Variants in ZRANB1 observed in about 807,000 individuals in gnomAD.
ZRANB1 encodes the protein zinc finger RANBP2-type containing 1.
In ZRANB1, 16 loss-of-function variants were observed where a neutral mutation model predicts 80.5. The ratio of observed to expected loss-of-function variants is 0.20; its 90% confidence interval spans 0.13 to 0.30. The LOEUF (loss-of-function observed/expected upper bound fraction) is 0.30. Among genes scored for constraint, ZRANB1 ranks in the 10% least tolerant of loss-of-function variants. The pLI is 1.00. For synonymous variants in ZRANB1, 291 were observed against 293.1 expected, an observed-to-expected ratio of 0.99 and a Z score of 0.07; for missense variants, 576 against 862.6, an observed-to-expected ratio of 0.67 and a Z score of 4.16.
upstream of ZRANB1, among the ~76,000 whole-genome samples, chr10:124,939,193 T>G (rs1193890187): frequency 2.4e-5 from 3 of 124,416 alleles, no homozygotes; most frequent in East Asian, 2.1e-4. Flanking sequence ...AAAAATCGTG[T>G]TTTTTTTTTT....
the ZRANB1 span, among the ~76,000 whole-genome samples, chr10:124,931,817 A>G: frequency 1.3e-5 from 2 of 152,326 alleles, no homozygotes; most frequent in South Asian, 4.1e-4. Context: ...ACAATTAATG[A>G]ACCAACATTG....
At chr10:124,920,837 T>G in the ZRANB1 span, among the ~76,000 whole-genome samples, 1 of 152,154 alleles carries the variant, frequency 6.6e-6, no homozygotes, top group Non-Finnish European at 1.5e-5. Context: ...TTCTGCCAAA[T>G]GGGTATATCT....
chr10:124,962,897 T>C (rs907376071), intron 1 of ZRANB1, among the ~76,000 whole-genome samples: 6 of 152,202 alleles, frequency 3.9e-5, no homozygotes, highest in South Asian at 2.1e-4. Flanking sequence ...GCTGTCCTTT[T>C]ATTTGTCTTC....
chr10:124,969,308 G>A (rs947726056), intron 2 of ZRANB1, among the ~76,000 whole-genome samples: 1 of 152,166 alleles, frequency 6.6e-6, no homozygotes, highest in Admixed American at 6.5e-5. Flanking sequence ...GAGGTGGAGG[G>A]GATTTGTTCC....
rs1951541515 is a variant in ZRANB1, at chr10:124,942,176, A to G, written c.-318A>G. On this transcript the variant is annotated 5_prime_UTR_variant, in exon 1 of 9. Coordinates refer to ENST00000359653, the MANE Select transcript of ZRANB1 (RefSeq NM_017580.3). ...CTATTAGTGGCTTCCCGTTAATCTCATCCTTCTTAGATCAAACCTCGTTAT... is the reference window on the plus strand; with the variant it reads ...CTATTAGTGGCTTCCCGTTAATCTCGTCCTTCTTAGATCAAACCTCGTTAT... 1.8e-6 allele frequency: 2 copies of G among 1,126,138 alleles called. No individual in the cohort carries two copies. The highest frequency in any genetic ancestry group is 1.6e-5 in the African/African-American group (1 of 61,624). The allele number at this position is 1,126,138 out of a possible 1,614,324, so 69.8% of individuals were successfully genotyped here. A position where few individuals can be genotyped will look rare whatever the true frequency, so the allele number is the denominator to read the frequency against.
intron 1 of ZRANB1, among the ~76,000 whole-genome samples, chr10:124,959,099 T>C (rs1951709516): frequency 6.6e-6 from 1 of 152,192 alleles, no homozygotes; most frequent in Non-Finnish European, 1.5e-5. Flanking sequence ...AAAGAGTTTA[T>C]AGGGCAAATA....
upstream of ZRANB1, among the ~76,000 whole-genome samples, chr10:124,941,129 AGGT>A (rs1001533537): frequency 6.6e-6 from 1 of 152,134 alleles, no homozygotes. Flanking sequence ...GGTGAAAAAT[AGGT>A]GTTGGGATGA....
At chr10:124,920,715 G>T in the ZRANB1 span, among the ~76,000 whole-genome samples, 1 of 151,728 alleles carries the variant, frequency 6.6e-6, no homozygotes, top group Non-Finnish European at 1.5e-5. Context: ...TTAACCCAAG[G>T]GATCTATTCA....
At chr10:124,946,050 G>C (rs1259064101) in intron 1 of ZRANB1, 2 of 152,118 alleles carry the variant, frequency 1.3e-5, no homozygotes, top group African/African-American at 4.8e-5. Context: ...CAGCCTCCCA[G>C]AGTGCCAGGA....
chr10:124,982,735 A>G (rs947932619), intron 6 of ZRANB1, among the ~76,000 whole-genome samples: 1 of 152,200 alleles, frequency 6.6e-6, no homozygotes, highest in African/African-American at 2.4e-5. Context: ...CCCATTTAAT[A>G]TTAGTATTCA....
Position 124,981,816 on chromosome 10 carries a change from C to T in ZRANB1, c.1535C>T (p.Ser512Phe), listed in dbSNP as rs1951936662. The T allele has an allele frequency of 6.2e-7, 1 of 1,613,464 alleles. No individual in the cohort carries two copies. Among genetic ancestry groups the T allele is most frequent in the African/African-American group, 1.3e-5 (1 of 74,844 alleles). ...QWQEDWAFIL[S>F]LASQPGASLE... Reference sequence around the variant, plus strand: ...CAAGAAGACTGGGCATTTATACTCTCTCTTGCTAGTCAGGTGAGGATGCTT... The same window carrying T: ...CAAGAAGACTGGGCATTTATACTCTTTCTTGCTAGTCAGGTGAGGATGCTT... Residue 512 changes from serine to phenylalanine, a missense_variant, in exon 6 of 9, where the codon TCT (serine) becomes TTT (phenylalanine). Ser to Phe is a radical substitution (Grantham distance 155). Coordinates refer to ENST00000359653, the MANE Select transcript of ZRANB1 (RefSeq NM_017580.3).
chr10:124,985,089 C>A lies in ZRANB1; in HGVS notation c.*97C>A. ...AGCAGAGTCGACATCATGGAATGAA[C>A]CAAATCTGGCAGGATCTGCTCGGGG... On this transcript the variant is annotated 3_prime_UTR_variant, in exon 9 of 9. Transcript: ENST00000359653. 1.0e-6 allele frequency: 1 copy of A among 958,152 alleles called. No homozygotes were observed. Among genetic ancestry groups the A allele is most frequent in the Non-Finnish European group, 1.6e-6 (1 of 634,752 alleles). The allele number at this position is 958,152 out of a possible 1,614,324, so 59.4% of individuals were successfully genotyped here.
the ZRANB1 span, among the ~76,000 whole-genome samples, chr10:124,924,029 G>A: frequency 6.7e-6 from 1 of 149,536 alleles, no homozygotes; most frequent in African/African-American, 2.5e-5. Flanking sequence ...CCGCAGTTTT[G>A]GTTTTTCATC....
the ZRANB1 span, among the ~76,000 whole-genome samples, chr10:124,922,000 G>C: frequency 1.3e-5 from 2 of 151,886 alleles, no homozygotes; most frequent in Admixed American, 1.3e-4. Flanking sequence ...GGGTCTTGCT[G>C]TGTCTCCCAG....
intron 1 of ZRANB1, among the ~76,000 whole-genome samples, chr10:124,957,106 C>T (rs1308090208): frequency 6.6e-6 from 1 of 151,668 alleles, no homozygotes; most frequent in Non-Finnish European, 1.5e-5. Context: ...CCACCTTGTT[C>T]AGTTAAGGAT....
intron 5 of ZRANB1, among the ~76,000 whole-genome samples, chr10:124,979,447 T>C (rs1254718710): frequency 6.6e-6 from 1 of 152,196 alleles, no homozygotes; most frequent in Non-Finnish European, 1.5e-5. Context: ...TTTGCAGATA[T>C]TTTTTTCTAT....
At position 124,973,874 on chromosome 10, in the gene ZRANB1, C is replaced by A. The variant is rs878993214; in HGVS notation, c.1228+158C>A. Among the ~76,000 whole-genome samples the A allele has an allele frequency of 4.6e-5, 7 of 152,148 alleles. No homozygotes were observed. In the South Asian group the frequency reaches 8.3e-4, roughly 18 times the overall value. ...AAGTTCAGTGTTATATTGTATGGTT[C>A]ACTGTTACAGAGTGAACAAATAAAG... On this transcript the variant is annotated intron_variant, in intron 4 of 8. Transcript: ENST00000359653.
At chr10:124,973,950 A>T (rs967862582) in intron 4 of ZRANB1, among the ~76,000 whole-genome samples, 2 of 152,236 alleles carry the variant, frequency 1.3e-5, no homozygotes, top group African/African-American at 4.8e-5. Flanking sequence ...CAGAATGTAT[A>T]TATTTCTATA....
the ZRANB1 span, among the ~76,000 whole-genome samples, chr10:124,920,973 G>A: frequency 6.6e-6 from 1 of 152,190 alleles, no homozygotes; most frequent in Non-Finnish European, 1.5e-5. Context: ...AGTAAGTATT[G>A]GTGTTTCTGG....
Sources: allele counts gnomAD v4.1 joint callset (sites outside exome capture counted in the v4.1 genomes callset), GRCh38; gene constraint gnomAD v4.1.1; transcripts MANE v1.5; gene names NCBI Gene and HGNC (gene_info 2026-07-23, HGNC 2026-07-21).